TXNRD1: variants seen among roughly 807,000 people sequenced by gnomAD.
TXNRD1 encodes the protein thioredoxin reductase 1.
In TXNRD1, 57 loss-of-function variants were observed where a neutral mutation model predicts 80.3. The ratio of observed to expected loss-of-function variants is 0.71; its 90% confidence interval spans 0.57 to 0.89. The LOEUF (loss-of-function observed/expected upper bound fraction) is 0.89. TXNRD1 is among the 40% of genes least tolerant of loss of function. The pLI is 0.00. For missense variants in TXNRD1, 730 were observed against 803.0 expected (o/e 0.91, Z 1.10); for synonymous variants, 291 against 285.2 (o/e 1.02, Z -0.20).
At chr12:104,267,241 C>CTTTCTTTCTTTCTTTCTTTCTTTCTT (rs755476528) in intron 3 of TXNRD1, among the ~76,000 whole-genome samples, 2 of 85,796 alleles carry the variant, frequency 2.3e-5, no homozygotes, top group East Asian at 3.9e-4. Context: ...ATTTTCTTTT[C>CTTTCTTTCTTTCTTTCTTTCTTTCTT]TCTTTCTTTC....
chr12:104,310,228 C>T, intron 4 of TXNRD1: 1 of 1,019,512 alleles, frequency 9.8e-7, no homozygotes, highest in Non-Finnish European at 1.4e-6. Context: ...TGGCTCACTG[C>T]AACGTCTGCC....
chr12:104,337,953 ATTTTT>A (rs761640158), intron 15 of TXNRD1, among the ~76,000 whole-genome samples: 2 of 116,874 alleles, frequency 1.7e-5, no homozygotes, highest in South Asian at 3.0e-4. Context: ...TGCCCAGCTA[ATTTTT>A]TTTTTTTTTT....
chr12:104,327,716 A>C (rs1310777538), intron 13 of TXNRD1, 45 bp downstream of exon 13: 1 of 1,593,716 alleles, frequency 6.3e-7, no homozygotes, highest in Non-Finnish European at 8.6e-7. Context: ...TGTCAGTAAT[A>C]CTCCCAGTTC....
At chr12:104,242,083 G>A (rs569053628) in intron 1 of TXNRD1, among the ~76,000 whole-genome samples, 27 of 150,996 alleles carry the variant, frequency 1.8e-4, no homozygotes, top group Non-Finnish European at 2.8e-4. Context: ...GATTACAGGC[G>A]CACGCCACCA....
At chr12:104,331,665 CTA>C in intron 14 of TXNRD1, 24 bp downstream of exon 14, 1 of 1,470,204 alleles carries the variant, frequency 6.8e-7, no homozygotes, top group Non-Finnish European at 9.5e-7. Flanking sequence ...CTCTTTTCTC[CTA>C]TGTTATATCA....
chr12:104,250,569 C>T (rs563859024), intron 1 of TXNRD1, among the ~76,000 whole-genome samples: 1 of 152,134 alleles, frequency 6.6e-6, no homozygotes, highest in South Asian at 2.1e-4. Flanking sequence ...GAGTCTGTGT[C>T]CTTGTTTGTA....
intron 16 of TXNRD1, among the ~76,000 whole-genome samples, chr12:104,341,733 A>G (rs976361258): frequency 4.6e-5 from 7 of 152,060 alleles, no homozygotes; most frequent in Non-Finnish European, 1.0e-4. Context: ...ATGTAACTCA[A>G]TTCTGATACC....
intron 1 of TXNRD1, among the ~76,000 whole-genome samples, chr12:104,249,731 C>G (rs527948070): frequency 5.3e-5 from 8 of 151,976 alleles, no homozygotes; most frequent in Admixed American, 2.0e-4. Context: ...GTCAGGAGAT[C>G]AAGACCATCC....
intron 4 of TXNRD1, among the ~76,000 whole-genome samples, chr12:104,299,294 T>G (rs1343350303): frequency 6.6e-6 from 1 of 151,768 alleles, no homozygotes; most frequent in African/African-American, 2.4e-5. Flanking sequence ...ATAATACTAA[T>G]AGGTAATAGG....
At chr12:104,225,796 T>A (rs554576045) in intron 1 of TXNRD1, among the ~76,000 whole-genome samples, 1 of 152,078 alleles carries the variant, frequency 6.6e-6, no homozygotes, top group East Asian at 1.9e-4. Flanking sequence ...ACACCTGGAT[T>A]CCTCCATCCC....
At chr12:104,234,727 C>A (rs2032698474) in intron 1 of TXNRD1, among the ~76,000 whole-genome samples, 1 of 149,422 alleles carries the variant, frequency 6.7e-6, no homozygotes, top group South Asian at 2.1e-4. Context: ...CTGAGCCAAA[C>A]TCTAACTGCA....
intron 13 of TXNRD1, among the ~76,000 whole-genome samples, chr12:104,329,626 CA>C (rs2035881784): frequency 6.6e-6 from 1 of 151,302 alleles, no homozygotes; most frequent in African/African-American, 2.4e-5. Context: ...CCAGCCTGGG[CA>C]TCAGAGTAAG....
At chr12:104,237,839 C>G (rs907925273) in intron 1 of TXNRD1, among the ~76,000 whole-genome samples, 21 of 151,896 alleles carry the variant, frequency 1.4e-4, no homozygotes, top group African/African-American at 4.8e-4. Flanking sequence ...ATGGTAAAAC[C>G]GTCTCTACTA....
intron 16 of TXNRD1, among the ~76,000 whole-genome samples, chr12:104,347,107 TAATAA>T (rs1206107700): frequency 1.3e-5 from 2 of 151,988 alleles, no homozygotes; most frequent in Non-Finnish European, 2.9e-5. Context: ...ATAAAAATAA[TAATAA>T]AATAACGATT....
At chr12:104,335,139 C>G (rs2036089880) in intron 15 of TXNRD1, among the ~76,000 whole-genome samples, 1 of 151,268 alleles carries the variant, frequency 6.6e-6, no homozygotes, top group African/African-American at 2.4e-5. Context: ...ATACTTTATT[C>G]ATACCATAAA....
At chr12:104,320,510 G>A (rs2035491114) in intron 9 of TXNRD1, among the ~76,000 whole-genome samples, 1 of 152,052 alleles carries the variant, frequency 6.6e-6, no homozygotes, top group South Asian at 2.1e-4. Flanking sequence ...TCAGACAATA[G>A]CAGGCTCCCT....
In TXNRD1 at chr12:104,331,555, AC is replaced by A; in HGVS notation, c.1566del (p.Thr523LeufsTer53). 6.2e-7 allele frequency: 1 copy of A among 1,609,868 alleles called. No individual in the cohort carries two copies. Among genetic ancestry groups the A allele is most frequent in the Non-Finnish European group, 8.5e-7 (1 of 1,177,490 alleles). The part of the protein sequence containing the change: ...TVKCDYENVP[T>X]TVFTPLEYGA... Reference sequence around the variant, plus strand: ...ACAGTGTGACTATGAAAATGTTCCAACCACTGTATTTACTCCTTTGGAATAT... The same window carrying A: ...ACAGTGTGACTATGAAAATGTTCCAACACTGTATTTACTCCTTTGGAATAT... On this transcript the variant is annotated frameshift_variant, in exon 14 of 17. Transcript: ENST00000525566. LOFTEE classifies it high-confidence loss of function.
At chr12:104,266,247 C>T (rs2033482935) in intron 3 of TXNRD1, among the ~76,000 whole-genome samples, 1 of 152,086 alleles carries the variant, frequency 6.6e-6, no homozygotes, top group African/African-American at 2.4e-5. Context: ...CTAGGAAGAG[C>T]CCCGGTGCGG....
intron 4 of TXNRD1, among the ~76,000 whole-genome samples, chr12:104,296,763 AC>A (rs1280107610): frequency 6.6e-6 from 1 of 152,228 alleles, no homozygotes; most frequent in African/African-American, 2.4e-5. Flanking sequence ...GCTATCAGGA[AC>A]CAAGCTCTAG....
Sources: gnomAD v4.1 joint callset for allele counts (sites outside exome capture counted in the v4.1 genomes callset) on GRCh38, gnomAD v4.1.1 for gene constraint, MANE v1.5 for transcripts, NCBI Gene and HGNC (gene_info 2026-07-23, HGNC 2026-07-21) for gene names.